PRICKLE1: variants seen among roughly 807,000 people sequenced by gnomAD.
PRICKLE1 encodes prickle planar cell polarity protein 1, also known as prickle-like protein 1.
In PRICKLE1, 14 loss-of-function variants were observed where a neutral mutation model predicts 70.2. The observed-to-expected ratio is 0.20, with a 90% CI of 0.13 to 0.31. The LOEUF is 0.31. Among genes scored for constraint, PRICKLE1 ranks in the 10% least tolerant of loss-of-function variants. The pLI is 1.00. For missense variants in PRICKLE1, 821 were observed against 1,026.2 expected, an observed-to-expected ratio of 0.80 and a Z score of 2.73; for synonymous variants, 357 against 379.9, an observed-to-expected ratio of 0.94 and a Z score of 0.70.
chr12:42,562,327 G>A (rs1243121233), intron 1 of PRICKLE1, among the ~76,000 whole-genome samples: 1 of 152,130 alleles, frequency 6.6e-6, no homozygotes, highest in Non-Finnish European at 1.5e-5. Context: ...GACAGGGAAG[G>A]AAACCTGACT....
intron 1 of PRICKLE1, among the ~76,000 whole-genome samples, chr12:42,537,337 A>T (rs12367020): frequency 0.26 from 38,823 of 151,286 alleles, 5,054 homozygotes; most frequent in Non-Finnish European, 0.27. Context: ...TTAAAAAAAA[A>T]TTTTTTTTGG....
At chr12:42,462,642 C>A (rs1470384717) in intron 7 of PRICKLE1, among the ~76,000 whole-genome samples, 1 of 152,186 alleles carries the variant, frequency 6.6e-6, no homozygotes, top group Non-Finnish European at 1.5e-5. Context: ...TCCACAGAAG[C>A]CGGGGGGGTA....
rs1210225494 is a variant in PRICKLE1, at chr12:42,589,161, C to T, written c.-49+304G>A. 1 of 152,292 alleles carries T rather than the reference C, an allele frequency of 6.6e-6. No homozygotes were observed. 9.4% of individuals were successfully genotyped at this position (152,292 alleles called of 1,614,324 possible). Reference sequence around the variant, plus strand: ...TCGCCTCGACCCTCGGGCTACAGAACCTGTTTCCACGCCGGAGAAAACCAA... The same window carrying T: ...TCGCCTCGACCCTCGGGCTACAGAATCTGTTTCCACGCCGGAGAAAACCAA... On this transcript the variant is annotated intron_variant, in intron 1 of 7. Transcript: ENST00000345127. The surrounding 1 kb of genome is among the most constrained non-coding windows in gnomAD (Gnocchi z 5.0).
rs760798462 is a variant in PRICKLE1, at chr12:42,469,556, T to C, written c.278A>G (p.Glu93Gly). The C allele has an allele frequency of 6.2e-7, 1 of 1,614,140 alleles. No homozygotes were observed. The highest frequency in any genetic ancestry group is 1.1e-5 in the South Asian group (1 of 91,086). ...ACTGAACACCTGCAACTCTTTTTTC[T>C]CCTCTTCACTCAAAGACTGGCAATA... is the stretch of plus-strand genomic sequence containing the variant. ...VRYCQSLSEE[E>G]KKELQVFSAQ... The change falls in exon 4 of 8, where the codon GAG becomes GGG. Residue 93 changes from glutamate (E) to glycine (G), a missense_variant. By Grantham distance (98) the Glu-to-Gly change is moderately conservative. Coordinates refer to ENST00000345127, the MANE Select transcript of PRICKLE1 (RefSeq NM_153026.3).
intron 1 of PRICKLE1, among the ~76,000 whole-genome samples, chr12:42,475,194 G>C (rs1938474659): frequency 6.6e-6 from 1 of 152,170 alleles, no homozygotes; most frequent in Admixed American, 6.5e-5. Context: ...ACTGAGGATT[G>C]ACTGTCATTC....
chr12:42,503,397 C>T (rs1939351065), intron 1 of PRICKLE1, among the ~76,000 whole-genome samples: 1 of 152,086 alleles, frequency 6.6e-6, no homozygotes, highest in Non-Finnish European at 1.5e-5. Context: ...TCATTGTACA[C>T]AAGGGGATAG....
chr12:42,501,781 TA>T (rs1939316318), intron 1 of PRICKLE1, among the ~76,000 whole-genome samples: 1 of 152,110 alleles, frequency 6.6e-6, no homozygotes, highest in African/African-American at 2.4e-5. Context: ...ATCACACACA[TA>T]AATATTTGGG....
In PRICKLE1 at chr12:42,482,314, A is replaced by G. The variant is rs528053057; in HGVS notation, c.-48-9750T>C. 4.6e-5 allele frequency among the ~76,000 whole-genome samples: 7 copies of G among 152,368 alleles called. No homozygotes were observed. In the East Asian group the frequency reaches 1.3e-3, roughly 29 times the overall value. ...GCCAGCGCGGCGCTTCTAGGGTCAG[A>G]TTATCCGCACACGAGTATGTAAAGA... On this transcript the variant is annotated intron_variant, in intron 1 of 7. Transcript: ENST00000345127.
At chr12:42,529,800 G>A (rs911697140) in intron 1 of PRICKLE1, among the ~76,000 whole-genome samples, 2 of 152,014 alleles carry the variant, frequency 1.3e-5, no homozygotes, top group African/African-American at 4.8e-5. Flanking sequence ...GGAGGCTGAG[G>A]CACGAGAATT....
In PRICKLE1 at chr12:42,558,105, C is replaced by T. The variant is rs142313260; in HGVS notation, c.-49+31360G>A. ...GGCATGTCTACACAAAAGCCACCTA[C>T]TAGAAATGTGTTTCAATATTGTTTA... On this transcript the variant is annotated intron_variant, in intron 1 of 7. Transcript: ENST00000345127. Among the ~76,000 whole-genome samples the T allele has an allele frequency of 1.4e-3, 213 of 152,240 alleles. 1 individual carries two copies. Among genetic ancestry groups the T allele is most frequent in the African/African-American group, 4.4e-3 (184 of 41,536 alleles).
At chr12:42,515,334 G>C (rs1407518536) in intron 1 of PRICKLE1, among the ~76,000 whole-genome samples, 1 of 151,332 alleles carries the variant, frequency 6.6e-6, no homozygotes, top group Non-Finnish European at 1.5e-5. Context: ...TCGCCTCCCA[G>C]GTTCAAGCGA....
At chr12:42,545,376 A>G (rs1220608489) in intron 1 of PRICKLE1, among the ~76,000 whole-genome samples, 3 of 152,238 alleles carry the variant, frequency 2.0e-5, no homozygotes. Context: ...ATGTCATTCA[A>G]TGAATGACAC....
At chr12:42,479,511 TATA>T (rs1460861396) in intron 1 of PRICKLE1, among the ~76,000 whole-genome samples, 1 of 152,244 alleles carries the variant, frequency 6.6e-6, no homozygotes, top group Non-Finnish European at 1.5e-5. Context: ...AACACAGTGA[TATA>T]ATGAGGGGTT....
chr12:42,515,136 T>C (rs1162428961), intron 1 of PRICKLE1, among the ~76,000 whole-genome samples: 1 of 151,962 alleles, frequency 6.6e-6, no homozygotes, highest in Non-Finnish European at 1.5e-5. Flanking sequence ...GGCGGGCTAG[T>C]TTCCAACTCC....
chr12:42,552,955 T>C (rs1309797275), intron 1 of PRICKLE1, among the ~76,000 whole-genome samples: 1 of 152,136 alleles, frequency 6.6e-6, no homozygotes, highest in Non-Finnish European at 1.5e-5. Context: ...TGAGCTCCTC[T>C]GAGAATCTAA....
At chr12:42,570,092 G>A (rs189003999) in intron 1 of PRICKLE1, among the ~76,000 whole-genome samples, 1 of 152,256 alleles carries the variant, frequency 6.6e-6, no homozygotes, top group Non-Finnish European at 1.5e-5. Context: ...AATTGGAATA[G>A]TGCATGACAC....
chr12:42,523,879 G>T (rs1228588688), intron 1 of PRICKLE1, among the ~76,000 whole-genome samples: 1 of 152,188 alleles, frequency 6.6e-6, no homozygotes, highest in East Asian at 1.9e-4. Context: ...TATTAGCTAG[G>T]TGTTTTGTAA....
chr12:42,501,314 C>A (rs1939302221), intron 1 of PRICKLE1, among the ~76,000 whole-genome samples: 1 of 151,932 alleles, frequency 6.6e-6, no homozygotes, highest in Non-Finnish European at 1.5e-5. Context: ...ACCATCCTGG[C>A]CAACATGGTG....
chr12:42,502,522 G>A (rs1320180297), intron 1 of PRICKLE1, among the ~76,000 whole-genome samples: 2 of 151,928 alleles, frequency 1.3e-5, no homozygotes, highest in East Asian at 1.9e-4. Flanking sequence ...TCTTGCCCAG[G>A]CTGATCTTGA....
Sources: gnomAD v4.1 joint callset for allele counts (sites outside exome capture counted in the v4.1 genomes callset) on GRCh38, gnomAD v4.1.1 for gene constraint, Gnocchi (gnomAD v3.1) non-coding constraint, MANE v1.5 for transcripts, NCBI Gene and HGNC (gene_info 2026-07-23, HGNC 2026-07-21) for gene names.